The following BRF1 variants were observed in gnomAD, a reference collection of about 807,000 sequenced individuals.
BRF1 encodes the protein transcription factor IIIB 90 kDa subunit.
In BRF1, 59 loss-of-function variants were observed where a neutral mutation model predicts 81.7. The ratio of observed to expected loss-of-function variants is 0.72; its 90% CI spans 0.59 to 0.90. The LOEUF is 0.90. BRF1 is among the 40% of genes least tolerant of loss of function. The pLI, the probability that BRF1 is intolerant of heterozygous loss-of-function variation, is 0.00. For missense variants in BRF1, 1,050 were observed against 936.3 expected, an observed-to-expected ratio of 1.12 and a Z score of -1.58; for synonymous variants, 491 against 395.6, an observed-to-expected ratio of 1.24 and a Z score of -2.86.
chr14:105,211,875 G>A lies in BRF1; in HGVS notation c.1824+238C>T, dbSNP rs1012678017. ...CAGCAAGGCTGCTCAGCCTTGGCCCGAGCGCTGAGCAGCAGGCACACAACG... is the reference window on the plus strand; with the variant it reads ...CAGCAAGGCTGCTCAGCCTTGGCCCAAGCGCTGAGCAGCAGGCACACAACG... On this transcript the variant is annotated intron_variant, in intron 16 of 17. Coordinates refer to ENST00000547530, the MANE Select transcript of BRF1 (RefSeq NM_001519.4). 6.8e-5 allele frequency: 40 copies of A among 588,314 alleles called. No homozygotes were observed. The East Asian group carries it at 7.0e-4, about 10-fold the overall frequency. The allele number at this position is 588,314 out of a possible 1,614,324, so 36.4% of individuals were successfully genotyped here.
At chr14:105,229,685 A>C (rs1375595716) in intron 6 of BRF1, among the ~76,000 whole-genome samples, 2 of 147,100 alleles carry the variant, frequency 1.4e-5, no homozygotes, top group Middle Eastern at 3.3e-3. Flanking sequence ...CAGGAGCAAC[A>C]ACCTAGCATC....
chr14:105,310,447 A>G (rs766888628), intron 1 of BRF1, among the ~76,000 whole-genome samples: 10 of 147,452 alleles, frequency 6.8e-5, no homozygotes, highest in Admixed American at 7.0e-5. Flanking sequence ...GGAGAATGGC[A>G]TGAACCCGGG....
intron 5 of BRF1, among the ~76,000 whole-genome samples, chr14:105,243,639 TGTGG>T (rs1419109017): frequency 1.3e-5 from 2 of 151,186 alleles, no homozygotes; most frequent in Non-Finnish European, 2.9e-5. Context: ...GATGTACTAA[TGTGG>T]GTGAGACTTT....
In BRF1 at chr14:105,221,816, G is replaced by T. The variant is rs377536607; in HGVS notation, c.1147C>A (p.Arg383=). 1 of 1,611,170 alleles carries T rather than the reference G, an allele frequency of 6.2e-7. No homozygotes were observed. Among genetic ancestry groups the T allele is most frequent in the Non-Finnish European group, 8.5e-7 (1 of 1,179,380 alleles). ...CCGGGGGCACCACCAAGGAGCTCCC[G>T]GTATAAGTCTTTGTTCAGGTGGCTG... ...AASHLNKDLY[R]ELLGGAPGSS... Residue 383 remains arginine, a synonymous_variant, in exon 11 of 18, where the codon CGG becomes AGG. Coordinates refer to ENST00000547530, the MANE Select transcript of BRF1 (RefSeq NM_001519.4).
intron 1 of BRF1, among the ~76,000 whole-genome samples, chr14:105,293,273 A>G (rs1024545571): frequency 6.6e-6 from 1 of 152,196 alleles, no homozygotes; most frequent in Non-Finnish European, 1.5e-5. Flanking sequence ...CTCCAGGGCC[A>G]GCGCCAGGTG....
rs1246092141 is a variant in BRF1, at chr14:105,218,997, C to T, written c.1515+1G>A. ...CCAGGCCCAGCGTCACAGGCGCCCA[C>T]CTTGTGTTCCTTGTAGATGCCGAGC... On this transcript the variant is annotated splice_donor_variant, in intron 14 of 17. Coordinates refer to ENST00000547530, the MANE Select transcript of BRF1 (RefSeq NM_001519.4). LOFTEE classifies it high-confidence loss of function. 2.5e-6 allele frequency: 4 copies of T among 1,613,762 alleles called. No homozygotes were observed. Among genetic ancestry groups the T allele is most frequent in the African/African-American group, 1.3e-5 (1 of 74,944 alleles).
chr14:105,275,599 G>A (rs1026613184), intron 2 of BRF1, among the ~76,000 whole-genome samples: 16 of 152,234 alleles, frequency 1.1e-4, no homozygotes, highest in Non-Finnish European at 7.3e-5. Context: ...CTGTATGTTT[G>A]AAAATTCTGT....
intron 1 of BRF1, chr14:105,314,967 AAC>A: frequency 8.2e-7 from 1 of 1,220,354 alleles, no homozygotes; most frequent in Non-Finnish European, 1.0e-6. Context: ...CGGCGCGCTC[AAC>A]ACGCCCGTGC....
At chr14:105,304,595 G>A (rs1482001299), upstream of BRF1, among the ~76,000 whole-genome samples, 1 of 152,256 alleles carries the variant, frequency 6.6e-6, no homozygotes, top group East Asian at 1.9e-4. Flanking sequence ...CAGATGGGCT[G>A]CAGAGGAGGG....
chr14:105,286,493 A>T, intron 1 of BRF1, 117 bp from the exon 2 acceptor site: 1 of 1,069,856 alleles, frequency 9.3e-7, no homozygotes, highest in Admixed American at 2.0e-5. Flanking sequence ...TCATGGGGGA[A>T]GCAGCAGGTC....
intron 10 of BRF1, 27 bp from the exon 11 acceptor site, chr14:105,221,941 C>A (rs746139242): frequency 6.5e-7 from 1 of 1,542,536 alleles, no homozygotes; most frequent in Non-Finnish European, 8.7e-7. Context: ...CACCTGTTAA[C>A]CAGGCAGAGG....
At chr14:105,229,102 T>C (rs1033559559) in intron 6 of BRF1, among the ~76,000 whole-genome samples, 189 bp from the exon 7 acceptor site, 3 of 152,230 alleles carry the variant, frequency 2.0e-5, no homozygotes, top group African/African-American at 4.8e-5. Context: ...TATCTTATTG[T>C]GGGTGGCGGC....
intron 1 of BRF1, among the ~76,000 whole-genome samples, chr14:105,311,547 G>A (rs950446027): frequency 3.3e-5 from 5 of 152,190 alleles, no homozygotes; most frequent in African/African-American, 4.8e-5. Context: ...GAGCCCCTGC[G>A]ACTGGCCTGT....
rs2057218900 is a variant in BRF1, at chr14:105,284,012, T to C, written c.265+2284A>G. Among the ~76,000 whole-genome samples the C allele has an allele frequency of 6.7e-6, 1 of 150,300 alleles. No individual in the cohort carries two copies. On this transcript the variant is annotated intron_variant, in intron 2 of 17. Transcript: ENST00000547530. This position sits in a 1 kb window ranked among gnomAD's most constrained non-coding sequence, Gnocchi z 4.0. ...AACAAAAAACTGACAAAACTGTGGG[T>C]AGGACAGGACGGATCCAGTCACTGT...
chr14:105,243,400 A>G (rs1019430310), intron 5 of BRF1, among the ~76,000 whole-genome samples: 2 of 151,648 alleles, frequency 1.3e-5, no homozygotes, highest in African/African-American at 4.9e-5. Context: ...TAGTGAGCCA[A>G]GATCATGCCA....
At position 105,300,864 on chromosome 14, in the gene BRF1, G is replaced by C. The variant is rs1200611802; in HGVS notation, c.-235C>G. 1 of 172,368 alleles carries C rather than the reference G, an allele frequency of 5.8e-6. No homozygotes were observed. Among genetic ancestry groups the C allele is most frequent in the African/African-American group, 2.4e-5 (1 of 41,808 alleles). 10.7% of individuals were successfully genotyped at this position (172,368 alleles called of 1,614,324 possible). ...CACCGGGACCACGGCGGGGACGCGAGGACTGGAGCCGCGACCTCCCCACTG... is the reference window on the plus strand; with the variant it reads ...CACCGGGACCACGGCGGGGACGCGACGACTGGAGCCGCGACCTCCCCACTG... On this transcript the variant is annotated 5_prime_UTR_variant, in exon 1 of 18. Transcript: ENST00000547530.
At chr14:105,242,346 G>C (rs2054736811) in intron 5 of BRF1, 1 of 152,060 alleles carries the variant, frequency 6.6e-6, no homozygotes, top group Non-Finnish European at 1.5e-5. Flanking sequence ...ATATTATTTG[G>C]AGAAAAAAAT....
At chr14:105,212,486 G>A (rs991425071) in intron 15 of BRF1, 4 of 335,228 alleles carry the variant, frequency 1.2e-5, no homozygotes, top group Admixed American at 4.3e-5. Flanking sequence ...CCTCACTCAG[G>A]GAGGAGGGGA....
At chr14:105,255,847 C>T (rs1248083002) in intron 4 of BRF1, among the ~76,000 whole-genome samples, 1 of 152,156 alleles carries the variant, frequency 6.6e-6, no homozygotes, top group Non-Finnish European at 1.5e-5. Context: ...ATGCAAGAGG[C>T]CAGGTATGGT....
Sources: gnomAD v4.1 joint callset for allele counts (sites outside exome capture counted in the v4.1 genomes callset) on GRCh38, gnomAD v4.1.1 for gene constraint, Gnocchi (gnomAD v3.1) non-coding constraint, MANE v1.5 for transcripts, NCBI Gene and HGNC (gene_info 2026-07-23, HGNC 2026-07-21) for gene names.